The following SOX5 variants were observed in gnomAD, a reference collection of about 807,000 sequenced individuals.
SOX5 encodes SRY-box transcription factor 5, also known as transcription factor SOX-5.
SOX5 carries 9 observed loss-of-function variants against 92.0 expected under a neutral mutation model. The ratio of observed to expected loss-of-function variants is 0.10; its 90% CI spans 0.06 to 0.17. The LOEUF is 0.17. Among genes scored for constraint, SOX5 ranks in the 10% least tolerant of loss-of-function variants. The pLI, the probability that SOX5 is intolerant of heterozygous loss-of-function variation, is 1.00. For synonymous variants in SOX5, 344 were observed against 336.3 expected, an observed-to-expected ratio of 1.02 and a Z score of -0.25; for missense variants, 642 against 944.5, an observed-to-expected ratio of 0.68 and a Z score of 4.20.
chr12:23,961,444 G>T (rs1489814518), intron 4 of SOX5, among the ~76,000 whole-genome samples: 1 of 152,068 alleles, frequency 6.6e-6, no homozygotes, highest in African/African-American at 2.4e-5. Flanking sequence ...ACACCAAACT[G>T]GTATAGTTGC....
At chr12:24,179,641 G>C (rs1955243585) in intron 4 of SOX5, among the ~76,000 whole-genome samples, 1 of 152,184 alleles carries the variant, frequency 6.6e-6, no homozygotes, top group Non-Finnish European at 1.5e-5. Flanking sequence ...AATTAGATGA[G>C]ATATTCAACA....
chr12:24,045,160 G>C (rs1354798819), intron 4 of SOX5, among the ~76,000 whole-genome samples: 2 of 152,036 alleles, frequency 1.3e-5, no homozygotes, highest in Non-Finnish European at 2.9e-5. Context: ...CCACTGCTTG[G>C]GTTCAGATCA....
chr12:24,343,278 A>G (rs1952786504), intron 2 of SOX5, among the ~76,000 whole-genome samples: 2 of 135,486 alleles, frequency 1.5e-5, no homozygotes, highest in Non-Finnish European at 1.8e-5. Flanking sequence ...TATCCCCTCT[A>G]CTTTACAATC....
chr12:24,360,798 G>A (rs1955461940), intron 2 of SOX5, among the ~76,000 whole-genome samples: 1 of 152,148 alleles, frequency 6.6e-6, no homozygotes, highest in Admixed American at 6.5e-5. Context: ...AGGAAAACTT[G>A]TTAAATCACT....
rs193074162 is a variant in SOX5 at position 24,424,496 on chromosome 12, C to T, written c.-250-55857G>A. Among the ~76,000 whole-genome samples, 13 of 152,154 alleles carry T rather than the reference C, an allele frequency of 8.5e-5. No individual in the cohort carries two copies. The East Asian group carries it at 1.7e-3, about 20-fold the overall frequency. On this transcript the variant is annotated intron_variant, in intron 1 of 4. Transcript: ENST00000446891. ...AGTGTTTAAACAAGCACTTTTCCCC[C>T]GCAGGCTGCTATGAGAACAAGCAAA...
chr12:24,389,917 T>C (rs1453452382), intron 1 of SOX5, among the ~76,000 whole-genome samples: 2 of 152,194 alleles, frequency 1.3e-5, no homozygotes, highest in Admixed American at 1.3e-4. Context: ...GTAGCTATCC[T>C]AGTGTGAAGT....
chr12:23,771,289 T>A (rs531499844), intron 3 of SOX5, among the ~76,000 whole-genome samples: 2 of 152,132 alleles, frequency 1.3e-5, no homozygotes, highest in African/African-American at 4.8e-5. Flanking sequence ...CTTATATTTG[T>A]GTAGCTGTTA....
At chr12:24,178,640 C>A (rs1440286810) in intron 4 of SOX5, among the ~76,000 whole-genome samples, 2 of 152,166 alleles carry the variant, frequency 1.3e-5, no homozygotes, top group Non-Finnish European at 2.9e-5. Context: ...TGGTTAAAAA[C>A]CCTTGTGAAA....
rs544926397 is a variant in SOX5 at position 24,079,929 on chromosome 12, C to T, written c.-2+133414G>A. Among the ~76,000 whole-genome samples the T allele has an allele frequency of 2.0e-5, 3 of 151,922 alleles. No homozygotes were observed. In the East Asian group the frequency reaches 5.8e-4, roughly 29 times the overall value. ...ATTCTACCTATGAGTTTTAAGATAG[C>T]GTAATTATTCCACAGGAGAACTAAA... On this transcript the variant is annotated intron_variant, in intron 4 of 4. Coordinates refer to the SOX5 transcript ENST00000446891.
chr12:24,073,731 A>C (rs1457478276), intron 4 of SOX5, among the ~76,000 whole-genome samples: 1 of 152,222 alleles, frequency 6.6e-6, no homozygotes, highest in Non-Finnish European at 1.5e-5. Flanking sequence ...AATGATTCAA[A>C]TTTAACCTTT....
intron 3 of SOX5, among the ~76,000 whole-genome samples, chr12:23,828,171 A>C (rs1051588998): frequency 2.6e-5 from 4 of 152,222 alleles, no homozygotes; most frequent in Non-Finnish European, 5.9e-5. Flanking sequence ...TCAGTTCAGT[A>C]ACATACTGTA....
intron 11 of SOX5, among the ~76,000 whole-genome samples, chr12:23,562,069 A>T (rs1216880018): frequency 6.6e-6 from 1 of 152,168 alleles, no homozygotes; most frequent in Non-Finnish European, 1.5e-5. Flanking sequence ...GCTTGCTATC[A>T]TTCCTTCTTA....
intron 1 of SOX5, among the ~76,000 whole-genome samples, chr12:24,420,351 G>A (rs1461842714): frequency 6.6e-6 from 1 of 152,134 alleles, no homozygotes; most frequent in African/African-American, 2.4e-5. Context: ...TACACGCGAA[G>A]CTATCAAAGA....
At chr12:23,906,833 G>A (rs2097298309) in intron 1 of SOX5, among the ~76,000 whole-genome samples, 1 of 151,896 alleles carries the variant, frequency 6.6e-6, no homozygotes, top group Admixed American at 6.6e-5. Flanking sequence ...GTGCTTCCGG[G>A]TTAAGGAAAT....
At position 24,485,846 on chromosome 12, in the gene SOX5, C is replaced by G. The variant is rs552842715; in HGVS notation, c.-251+76483G>C. 2.6e-5 allele frequency among the ~76,000 whole-genome samples: 4 copies of G among 152,254 alleles called. No individual in the cohort carries two copies. The South Asian group carries it at 8.3e-4, about 32-fold the overall frequency. On this transcript the variant is annotated intron_variant, in intron 1 of 4. Coordinates refer to the SOX5 transcript ENST00000446891. ...TTTTACACATATTCAGTACATGCCT[C>G]CTGCCAATATTTTTTTCCCTGTAGG...
At chr12:24,040,533 C>T (rs1956416419) in intron 4 of SOX5, among the ~76,000 whole-genome samples, 1 of 152,204 alleles carries the variant, frequency 6.6e-6, no homozygotes, top group African/African-American at 2.4e-5. Flanking sequence ...TGTTTCATTA[C>T]AAATATGAAA....
At chr12:24,337,809 A>G (rs1012534385) in intron 2 of SOX5, among the ~76,000 whole-genome samples, 1 of 152,224 alleles carries the variant, frequency 6.6e-6, no homozygotes, top group African/African-American at 2.4e-5. Context: ...AACGTTTTCA[A>G]TATTATTTTT....
At chr12:24,346,511 G>T (rs1595798382) in intron 2 of SOX5, among the ~76,000 whole-genome samples, 1 of 150,956 alleles carries the variant, frequency 6.6e-6, no homozygotes, top group Admixed American at 6.6e-5. Flanking sequence ...GAGTGCAGTG[G>T]CGTGATATCA....
chr12:24,389,510 C>T (rs1449073741), intron 1 of SOX5, among the ~76,000 whole-genome samples: 1 of 152,210 alleles, frequency 6.6e-6, no homozygotes, highest in Non-Finnish European at 1.5e-5. Flanking sequence ...CACAGATCAA[C>T]CCATCACCTA....
Sources: gnomAD v4.1 joint callset for allele counts (sites outside exome capture counted in the v4.1 genomes callset) on GRCh38, gnomAD v4.1.1 for gene constraint, MANE v1.5 for transcripts, NCBI Gene and HGNC (gene_info 2026-07-23, HGNC 2026-07-21) for gene names.